Variants in PCYT1B observed in about 807,000 individuals in gnomAD.
PCYT1B encodes the protein phosphate cytidylyltransferase 1B, choline, also known as choline-phosphate cytidylyltransferase B.
Under a neutral mutation model 26.4 loss-of-function variants are expected in PCYT1B, and 10 were observed. That is an observed-to-expected ratio of 0.38 (90% CI 0.23 to 0.64). The LOEUF (loss-of-function observed/expected upper bound fraction) is 0.64. PCYT1B is among the 30% of genes least tolerant of loss of function. The pLI, the probability that PCYT1B is intolerant of heterozygous loss-of-function variation, is 0.56. For missense variants in PCYT1B, 161 were observed against 292.7 expected (o/e 0.55, Z 3.28); for synonymous variants, 131 against 108.4 (o/e 1.21, Z -1.29).
intron 1 of PCYT1B, among the ~76,000 whole-genome samples, chrX:24,622,608 C>T (rs2148256658): frequency 8.9e-6 from 1 of 112,501 alleles, no homozygotes; most frequent in Admixed American, 9.4e-5. Context: ...TGAGTACCTA[C>T]TTAGTGCCAT....
intron 2 of PCYT1B, among the ~76,000 whole-genome samples, chrX:24,617,339 A>G (rs1165898943): frequency 9.9e-6 from 1 of 100,897 alleles, no homozygotes; most frequent in Non-Finnish European, 2.0e-5. Context: ...ACTGTTCTTC[A>G]TTCCATGGAT....
At chrX:24,564,301 T>A (rs1003196404) in intron 7 of PCYT1B, among the ~76,000 whole-genome samples, 3 of 111,933 alleles carry the variant, frequency 2.7e-5, no homozygotes, top group Non-Finnish European at 5.6e-5. Context: ...TACTGAGGTA[T>A]AATAAACTCA....
intron 1 of PCYT1B, among the ~76,000 whole-genome samples, chrX:24,619,595 T>A (rs151263326): frequency 1.7e-3 from 185 of 111,970 alleles, no homozygotes; most frequent in African/African-American, 5.6e-3. Context: ...AGTGCCATAC[T>A]CAGAAGCGTG....
chrX:24,668,221 A>G (rs917532480), intron 1 of PCYT1B, among the ~76,000 whole-genome samples: 1 of 111,988 alleles, frequency 8.9e-6, no homozygotes, highest in Non-Finnish European at 1.9e-5. Context: ...GGAAGGCAGC[A>G]TGTTTGCCAC....
rs1358997931 is a variant in PCYT1B at position 24,579,198 on chromosome X, A to AG, written c.708+117_708+118insC. 185 of 604,053 alleles carry AG rather than the reference A, an allele frequency of 3.1e-4. 1 individual carries two copies. The African/African-American group carries it at 4.2e-3, about 14-fold the overall frequency. 49.8% of individuals were successfully genotyped at this position (604,053 alleles called of 1,213,427 possible). A position where few individuals can be genotyped will look rare whatever the true frequency, so the allele number is the denominator to read the frequency against. On this transcript the variant is annotated intron_variant, in intron 6 of 7. Transcript: ENST00000379144. ...CCCCATCTCTACACAAAAAAAAAAA[A>AG]AAGAGAGAGAGAGAGGGAGAACACT...
intron 3 of PCYT1B, among the ~76,000 whole-genome samples, chrX:24,595,379 G>C (rs1924741606): frequency 9.0e-6 from 1 of 110,582 alleles, no homozygotes; most frequent in Non-Finnish European, 1.9e-5. Context: ...TGAGGCCCTA[G>C]GCATGGGAGT....
intron 1 of PCYT1B, among the ~76,000 whole-genome samples, chrX:24,645,812 A>G (rs1926606413): frequency 9.0e-6 from 1 of 111,728 alleles, no homozygotes; most frequent in African/African-American, 3.3e-5. Flanking sequence ...CAGGGCTCTA[A>G]TATAACTTCC....
chrX:24,655,867 G>A (rs763960802), intron 1 of PCYT1B, among the ~76,000 whole-genome samples: 12 of 106,606 alleles, frequency 1.1e-4, no homozygotes, highest in Non-Finnish European at 2.1e-4. Flanking sequence ...ACCTATAAAG[G>A]CCATTAGGGG....
chrX:24,653,921 A>T (rs1394434384), intron 1 of PCYT1B, among the ~76,000 whole-genome samples: 1 of 105,294 alleles, frequency 9.5e-6, no homozygotes, highest in Admixed American at 1.0e-4. Flanking sequence ...CACCCAGCCA[A>T]TTTTTTTGTA....
At chrX:24,611,316 G>A (rs769467395) in intron 2 of PCYT1B, among the ~76,000 whole-genome samples, 2 of 111,264 alleles carry the variant, frequency 1.8e-5, no homozygotes, top group Non-Finnish European at 3.8e-5. Flanking sequence ...TAGTTTGTAT[G>A]TTGATCTGTT....
In PCYT1B at chrX:24,654,097, TTTC is replaced by T. The variant is rs1419059543; in HGVS notation, c.63+18470_63+18472del. Among the ~76,000 whole-genome samples, 281 of 35,341 alleles carry T rather than the reference TTTC, an allele frequency of 8.0e-3. 4 individuals are homozygous for T. The highest frequency in any genetic ancestry group is 0.013 in the South Asian group (10 of 758). 30.7% of individuals were successfully genotyped at this position (35,341 alleles called of 115,157 possible). A position where few individuals can be genotyped will look rare whatever the true frequency, so the allele number is the denominator to read the frequency against. Reference sequence around the variant, plus strand: ...CTTCCACGTTTCTTTTCTTTCTTTCTTTCTTTTTTTTTTTTTTTTTTTTGAGAT... The same window carrying T: ...CTTCCACGTTTCTTTTCTTTCTTTCTTTTTTTTTTTTTTTTTTTTTGAGAT... On this transcript the variant is annotated intron_variant, in intron 1 of 7. Transcript: ENST00000379145.
chrX:24,615,104 G>A (rs980837437), intron 2 of PCYT1B, among the ~76,000 whole-genome samples: 1 of 112,019 alleles, frequency 8.9e-6, no homozygotes, highest in Non-Finnish European at 1.9e-5. Context: ...ACAGGCATGA[G>A]CCACCGCCCT....
At chrX:24,606,194 C>T (rs1223443786) in intron 3 of PCYT1B, among the ~76,000 whole-genome samples, 1 of 111,133 alleles carries the variant, frequency 9.0e-6, no homozygotes, top group Non-Finnish European at 1.9e-5. Flanking sequence ...GAAAACTACA[C>T]ATTTCCTTTT....
chrX:24,645,562 G>A (rs1048544132), intron 1 of PCYT1B, among the ~76,000 whole-genome samples: 14 of 111,052 alleles, frequency 1.3e-4, no homozygotes, highest in African/African-American at 4.6e-4. Flanking sequence ...ATGTGCATAT[G>A]ATAATCTTGT....
chrX:24,657,841 A>G (rs1406156296), intron 1 of PCYT1B, among the ~76,000 whole-genome samples: 1 of 112,274 alleles, frequency 8.9e-6, no homozygotes, highest in Non-Finnish European at 1.9e-5. Flanking sequence ...TCCTTCTAGG[A>G]TGAATTTTCT....
chrX:24,651,380 C>T (rs767556570), upstream of PCYT1B, among the ~76,000 whole-genome samples: 71 of 94,027 alleles, frequency 7.6e-4, no homozygotes, highest in Middle Eastern at 6.0e-3. Flanking sequence ...GCTTGAACCT[C>T]GGAGGCGGAG....
intron 7 of PCYT1B, among the ~76,000 whole-genome samples, chrX:24,569,417 C>A (rs1455982627): frequency 9.0e-6 from 1 of 111,644 alleles, no homozygotes; most frequent in Non-Finnish European, 1.9e-5. Context: ...CATAGAATTA[C>A]CATGTTGTCC....
At chrX:24,640,352 G>A (rs1926427671) in intron 1 of PCYT1B, among the ~76,000 whole-genome samples, 1 of 112,016 alleles carries the variant, frequency 8.9e-6, no homozygotes, top group Non-Finnish European at 1.9e-5. Flanking sequence ...CCTGCCCTTG[G>A]TCCCTTGATC....
intron 6 of PCYT1B, among the ~76,000 whole-genome samples, chrX:24,577,236 C>T (rs190044325): frequency 1.8e-5 from 2 of 111,478 alleles, no homozygotes; most frequent in Non-Finnish European, 3.8e-5. Context: ...TCTACACGCC[C>T]ATGCAACACA....
Sources: allele counts gnomAD v4.1 joint callset (sites outside exome capture counted in the v4.1 genomes callset), GRCh38; gene constraint gnomAD v4.1.1; transcripts MANE v1.5; gene names NCBI Gene and HGNC (gene_info 2026-07-23, HGNC 2026-07-21).